BIRC6: variants seen among roughly 807,000 people sequenced by gnomAD.
The protein encoded by BIRC6 is dual E2 ubiquitin-conjugating enzyme/E3 ubiquitin-protein ligase BIRC6.
In BIRC6, 98 loss-of-function variants were observed where a neutral mutation model predicts 503.3. That is an observed-to-expected ratio of 0.19 (90% CI 0.17 to 0.23). The LOEUF is 0.23. BIRC6 is among the 10% of genes least tolerant of loss of function. The pLI is 1.00. For synonymous variants in BIRC6, 2,240 were observed against 2,078.7 expected (o/e 1.08, Z -2.11); for missense variants, 5,360 against 5,806.0 (o/e 0.92, Z 2.50).
chr2:32,370,061 T>TACACACAC lies in BIRC6; in HGVS notation c.326-7513_326-7506dup, dbSNP rs71820292. 7.3e-3 allele frequency among the ~76,000 whole-genome samples: 1,029 copies of TACACACAC among 140,938 alleles called. 8 individuals carry two copies. Among genetic ancestry groups the TACACACAC allele is most frequent in the Middle Eastern group, 0.015 (4 of 260 alleles). The allele number at this position is 140,938 out of a possible 152,430, so 92.5% of individuals were successfully genotyped here. ...GTATGTATATATATGTGTGTATGTA[T>TACACACAC]ACACACACACACACACACACAGCAC... On this transcript the variant is annotated intron_variant, in intron 1 of 73. Coordinates refer to ENST00000421745, the MANE Select transcript of BIRC6 (RefSeq NM_016252.4).
chr2:32,447,355 G>C (rs1166429832), intron 21 of BIRC6, among the ~76,000 whole-genome samples: 2 of 150,644 alleles, frequency 1.3e-5, no homozygotes, highest in East Asian at 2.0e-4. Context: ...CTCACCTCCC[G>C]GATGGGGCGG....
chr2:32,357,342 G>T lies in BIRC6; in HGVS notation c.181G>T (p.Gly61Cys). 1 of 1,542,426 alleles carries T rather than the reference G, an allele frequency of 6.5e-7. No homozygotes were observed. Among genetic ancestry groups the T allele is most frequent in the Admixed American group, 2.0e-5 (1 of 50,804 alleles). The change falls in exon 1 of 74, where the codon GGC becomes TGC. Residue 61 changes from glycine (G) to cysteine (C), a missense_variant. This residue lies in a region of BIRC6 where 145 missense variants were observed against 106.9 expected (regional missense o/e 1.36). Coordinates refer to ENST00000421745, the MANE Select transcript of BIRC6 (RefSeq NM_016252.4). The surrounding 1 kb of genome is among the most constrained non-coding windows in gnomAD (Gnocchi z 4.9). ...CTCAGAGTGGCTGGTGCTGCGGGACGGCTGCATGCACTGCGACGCCGACGG... is the reference window on the plus strand; with the variant it reads ...CTCAGAGTGGCTGGTGCTGCGGGACTGCTGCATGCACTGCGACGCCGACGG... ...GVSEWLVLRD[G>C]CMHCDADGLH... is the part of the protein sequence containing the mutation.
chr2:32,535,518 T>A (rs918894016), intron 61 of BIRC6, among the ~76,000 whole-genome samples: 1 of 152,158 alleles, frequency 6.6e-6, no homozygotes, highest in African/African-American at 2.4e-5. Flanking sequence ...TGTGTTCTCA[T>A]TGTTCAATTC....
At chr2:32,613,135 C>G (rs1197683951) in intron 73 of BIRC6, among the ~76,000 whole-genome samples, 1 of 151,814 alleles carries the variant, frequency 6.6e-6, no homozygotes, top group East Asian at 1.9e-4. Context: ...GCTTGCTCAC[C>G]TCCATTCATA....
chr2:32,499,824 G>C lies in BIRC6; in HGVS notation c.8746G>C (p.Asp2916His). Residue 2916 changes from aspartate to histidine, a missense_variant, in exon 46 of 74, where the codon GAT becomes CAT. Coordinates refer to ENST00000421745, the MANE Select transcript of BIRC6 (RefSeq NM_016252.4). ...AKAVCGEMTR[D>H]QLMFDLLKLV... The stretch of plus-strand genomic sequence containing the variant: ...AGCAGTTTGTGGCGAAATGACAAGA[G>C]ATCAACTCATGTTTGATTTGTTAAA... The C allele has an allele frequency of 6.2e-7, 1 of 1,614,014 alleles. No homozygotes were observed. Among genetic ancestry groups the C allele is most frequent in the South Asian group, 1.1e-5 (1 of 91,082 alleles).
At chr2:32,599,482 A>C (rs552313301) in intron 69 of BIRC6, among the ~76,000 whole-genome samples, 1 of 151,854 alleles carries the variant, frequency 6.6e-6, no homozygotes, top group Non-Finnish European at 1.5e-5. Context: ...TACTAAAAAT[A>C]CAAAAATTAA....
chr2:32,566,752 G>C (rs771126987), intron 65 of BIRC6, among the ~76,000 whole-genome samples: 19 of 152,060 alleles, frequency 1.2e-4, no homozygotes, highest in Non-Finnish European at 2.4e-4. Context: ...CTGCAGCATA[G>C]ATATTTTCAT....
chr2:32,604,407 C>G (rs1183497499), intron 71 of BIRC6, among the ~76,000 whole-genome samples: 1 of 152,140 alleles, frequency 6.6e-6, no homozygotes, highest in Non-Finnish European at 1.5e-5. Context: ...CCAGTTCAGA[C>G]AATCCAGTGG....
intron 57 of BIRC6, among the ~76,000 whole-genome samples, chr2:32,521,335 C>G (rs2055643556): frequency 8.6e-6 from 1 of 115,926 alleles, no homozygotes; most frequent in African/African-American, 3.4e-5. Context: ...GAGTTCCAGA[C>G]CACCTGGGCA....
chr2:32,549,578 T>G, intron 65 of BIRC6, 97 bp downstream of exon 65: 3 of 1,104,666 alleles, frequency 2.7e-6, no homozygotes, highest in Non-Finnish European at 3.6e-6. Flanking sequence ...AGTTGATGGA[T>G]TTATTTCCTA....
At chr2:32,570,140 C>G (rs1352285410) in intron 65 of BIRC6, among the ~76,000 whole-genome samples, 1 of 151,998 alleles carries the variant, frequency 6.6e-6, no homozygotes, top group South Asian at 2.1e-4. Context: ...TTATCACATG[C>G]TTTTTCAACA....
At chr2:32,593,270 T>C (rs1418031172) in intron 66 of BIRC6, among the ~76,000 whole-genome samples, 1 of 152,192 alleles carries the variant, frequency 6.6e-6, no homozygotes, top group East Asian at 1.9e-4. Context: ...AGTACATTTA[T>C]CTAGAAAATT....
chr2:32,499,433 T>C, intron 45 of BIRC6, 114 bp from the exon 46 acceptor site: 1 of 900,624 alleles, frequency 1.1e-6, no homozygotes, highest in South Asian at 2.0e-5. Context: ...CTTTCTTGTA[T>C]TGTGATAAGT....
chr2:32,578,064 T>G (rs955813116), intron 66 of BIRC6, among the ~76,000 whole-genome samples: 2 of 152,210 alleles, frequency 1.3e-5, no homozygotes, highest in Admixed American at 6.5e-5. Flanking sequence ...AATATACTTT[T>G]TCGTTGAAAC....
chr2:32,441,575 A>T lies in BIRC6; in HGVS notation c.3944+113A>T, dbSNP rs141528771. 49 of 940,498 alleles carry T rather than the reference A, an allele frequency of 5.2e-5. No individual in the cohort carries two copies. In the African/African-American group the frequency reaches 7.8e-4, roughly 15 times the overall value. 58.3% of individuals were successfully genotyped at this position (940,498 alleles called of 1,614,324 possible). ...TTTTACCTGAAAATTTTTTTTGTCC[A>T]TTTTTCTTAAATAATTATAATTTTG... On this transcript the variant is annotated intron_variant, in intron 17 of 73. Coordinates refer to ENST00000421745, the MANE Select transcript of BIRC6 (RefSeq NM_016252.4).
intron 45 of BIRC6, among the ~76,000 whole-genome samples, chr2:32,496,411 A>C (rs559963969): frequency 6.6e-6 from 1 of 151,912 alleles, no homozygotes; most frequent in Non-Finnish European, 1.5e-5. Context: ...TTCAGTAGAG[A>C]TGGGGTTTTG....
rs758874240 is a variant in BIRC6 at position 32,543,453 on chromosome 2, G to A, written c.12504G>A (p.Pro4168=). 6.2e-7 allele frequency: 1 copy of A among 1,613,962 alleles called. No individual in the cohort carries two copies. Among genetic ancestry groups the A allele is most frequent in the African/African-American group, 1.3e-5 (1 of 75,034 alleles). The change falls in exon 62 of 74, where the codon CCG becomes CCA. Residue 4168 remains proline (P), a synonymous_variant. Coordinates refer to ENST00000421745, the MANE Select transcript of BIRC6 (RefSeq NM_016252.4). ...LAAFGLFLRL[P]GYAEVLLKER... ...CTTTTGGATTATTTCTTCGTCTTCC[G>A]GGCTATGCGGAAGTGCTACTGAAAG... is the stretch of plus-strand genomic sequence containing the variant.
In BIRC6 at chr2:32,560,423, A is replaced by G. The variant is rs116524761; in HGVS notation, c.13144+10942A>G. Among the ~76,000 whole-genome samples, 1,339 of 152,286 alleles carry G rather than the reference A, an allele frequency of 8.8e-3. 10 individuals are homozygous for G. The highest frequency in any genetic ancestry group is 0.02 in the Middle Eastern group (6 of 294). On this transcript the variant is annotated intron_variant, in intron 65 of 73. Coordinates refer to ENST00000421745, the MANE Select transcript of BIRC6 (RefSeq NM_016252.4). ...GAGAATATCTTCTTCTATTTCCATA[A>G]TGTAAGATTCCCAGTTGGCCTCTCC... is the stretch of plus-strand genomic sequence containing the variant.
At chr2:32,408,960 ATAGAG>A (rs917441669) in intron 9 of BIRC6, among the ~76,000 whole-genome samples, 1 of 152,150 alleles carries the variant, frequency 6.6e-6, no homozygotes, top group Non-Finnish European at 1.5e-5. Flanking sequence ...ATGGAGGCTT[ATAGAG>A]TAGTCATGTA....
Sources: allele counts gnomAD v4.1 joint callset (sites outside exome capture counted in the v4.1 genomes callset), GRCh38; gene constraint gnomAD v4.1.1; regional missense constraint gnomAD v4.1.1; non-coding constraint Gnocchi (gnomAD v3.1); transcripts MANE v1.5; gene names NCBI Gene and HGNC (gene_info 2026-07-23, HGNC 2026-07-21).